The following DHX8 variants were observed in gnomAD, a reference collection of about 807,000 sequenced individuals.
DHX8 encodes the protein DEAH-box helicase 8, also known as ATP-dependent RNA helicase DHX8.
A neutral mutation model predicts 140.7 loss-of-function variants in DHX8; 67 were observed. That is an observed-to-expected ratio of 0.48 (90% confidence interval 0.39 to 0.58). The LOEUF is 0.58. Ranked by LOEUF, DHX8 falls within the 20% of genes least tolerant of loss-of-function variation. DHX8 has a pLI of 0.00. For synonymous variants in DHX8, 533 were observed against 553.2 expected, an observed-to-expected ratio of 0.96 and a Z score of 0.51; for missense variants, 887 against 1,550.7, an observed-to-expected ratio of 0.57 and a Z score of 7.19.
At chr17:43,505,519 C>T (rs376809925) in intron 12 of DHX8, among the ~76,000 whole-genome samples, 3 of 151,968 alleles carry the variant, frequency 2.0e-5, no homozygotes, top group African/African-American at 7.2e-5. Flanking sequence ...CAGTGAACTG[C>T]AATCACACCA....
At chr17:43,528,909 T>C (rs1446303156), downstream of DHX8, among the ~76,000 whole-genome samples, 1 of 152,134 alleles carries the variant, frequency 6.6e-6, no homozygotes, top group African/African-American at 2.4e-5. Context: ...TCACAGTTCT[T>C]ACTCCTTTTT....
intron 18 of DHX8, 118 bp downstream of exon 18, chr17:43,517,440 C>T: frequency 8.2e-7 from 1 of 1,214,246 alleles, no homozygotes; most frequent in Non-Finnish European, 1.1e-6. Context: ...GAAAGCAGTC[C>T]CTTTGAGTGA....
At chr17:43,530,351 C>G, downstream of DHX8, 1 of 1,470,880 alleles carries the variant, frequency 6.8e-7, no homozygotes, top group East Asian at 2.5e-5. Flanking sequence ...AAAGTTCACC[C>G]AGAGGGAGTG....
At chr17:43,526,609 A>G (rs1168035908), downstream of DHX8, 2 of 1,535,542 alleles carry the variant, frequency 1.3e-6, no homozygotes, top group Admixed American at 3.9e-5. Flanking sequence ...TGAACAGTTC[A>G]GAGGGCAGAG....
intron 12 of DHX8, among the ~76,000 whole-genome samples, chr17:43,506,230 T>A (rs1235116554): frequency 6.6e-6 from 1 of 151,674 alleles, no homozygotes; most frequent in African/African-American, 2.4e-5. Context: ...GGTCTTGAAC[T>A]CCTGGACTCA....
intron 3 of DHX8, among the ~76,000 whole-genome samples, chr17:43,541,269 G>C (rs1014292759): frequency 6.6e-6 from 1 of 152,150 alleles, no homozygotes; most frequent in Non-Finnish European, 1.5e-5. Flanking sequence ...ACTGAGCCTC[G>C]CGTTCCTGGA....
At chr17:43,513,176 C>T (rs1458240536) in intron 16 of DHX8, among the ~76,000 whole-genome samples, 186 bp from the exon 17 acceptor site, 3 of 152,118 alleles carry the variant, frequency 2.0e-5, no homozygotes, top group Non-Finnish European at 4.4e-5. Context: ...TCCAACTTAA[C>T]CATTAAGCAG....
chr17:43,502,318 C>T (rs1409679929), intron 11 of DHX8, among the ~76,000 whole-genome samples: 3 of 151,988 alleles, frequency 2.0e-5, no homozygotes, highest in African/African-American at 7.2e-5. Context: ...TTTGGGAGGC[C>T]GAGGCAGGAG....
At position 43,507,035 on chromosome 17, in the gene DHX8, T is replaced by A. The variant is rs762202456; in HGVS notation, c.1761T>A (p.Ile587=). Residue 587 remains isoleucine, a synonymous_variant, in exon 13 of 23, where the codon ATT becomes ATA. Coordinates refer to ENST00000262415, the MANE Select transcript of DHX8 (RefSeq NM_004941.3). ...AVHDNQILIV[I]GETGSGKTTQ... ...ATGACAATCAGATCCTGATTGTCAT[T>A]GGTGAGACAGGATCTGGAAAGACAA... 1.9e-6 allele frequency: 3 copies of A among 1,611,284 alleles called. No individual in the cohort carries two copies. Among genetic ancestry groups the A allele is most frequent in the Non-Finnish European group, 2.5e-6 (3 of 1,179,050 alleles).
Position 43,504,788 on chromosome 17 carries a change from G to T in DHX8, c.1691G>T (p.Ser564Ile). 6.2e-7 allele frequency: 1 copy of T among 1,614,110 alleles called. No homozygotes were observed. The highest frequency in any genetic ancestry group is 8.5e-7 in the Non-Finnish European group (1 of 1,180,022). Residue 564 changes from serine (S) to isoleucine (I), a missense_variant, in exon 12 of 23, where the codon AGC becomes ATC. Transcript: ENST00000262415. ...ATGTCAATCCTTGAGCAGAGGGAGAGCCTGCCCATCTACAAACTGAAGGAG... is the reference window on the plus strand; with the variant it reads ...ATGTCAATCCTTGAGCAGAGGGAGATCCTGCCCATCTACAAACTGAAGGAG... Reference protein sequence around the residue: ...TQMSILEQRESLPIYKLKEQL... With the variant: ...TQMSILEQREILPIYKLKEQL...
At position 43,483,982 on chromosome 17, in the gene DHX8, CCGGAGTA is replaced by C; in HGVS notation, c.-55_-49del. 1 of 1,592,172 alleles carries C rather than the reference CCGGAGTA, an allele frequency of 6.3e-7. No individual in the cohort carries two copies. Among genetic ancestry groups the C allele is most frequent in the Admixed American group, 1.8e-5 (1 of 55,262 alleles). On this transcript the variant is annotated 5_prime_UTR_variant, in exon 1 of 23. Transcript: ENST00000262415. The stretch of plus-strand genomic sequence containing the variant: ...CCCGGAAGTGAAAGCTGGAACCCGG[CCGGAGTA>C]GCTCTGAGCGCCGGCTGTGAGGAAG...
At chr17:43,499,093 T>C in intron 10 of DHX8, 134 bp downstream of exon 10, 1 of 628,744 alleles carries the variant, frequency 1.6e-6, no homozygotes, top group South Asian at 2.1e-5. Flanking sequence ...CCAGGGTCTA[T>C]AATAGTTTTA....
In DHX8 at chr17:43,507,958, GAC is replaced by G; in HGVS notation, c.2261_2262del (p.Thr754ArgfsTer21). 1 of 1,614,172 alleles carries G rather than the reference GAC, an allele frequency of 6.2e-7. No individual in the cohort carries two copies. Among genetic ancestry groups the G allele is most frequent in the Non-Finnish European group, 8.5e-7 (1 of 1,180,022 alleles). On this transcript the variant is annotated frameshift_variant, in exon 15 of 23. Transcript: ENST00000262415. LOFTEE classifies it high-confidence loss of function. Reference sequence around the variant, plus strand: ...AAATACTGTACACAAAGGAACCTGAGACAGATTATCTGGATGCCAGCCTGATT... The same window carrying G: ...AAATACTGTACACAAAGGAACCTGAGAGATTATCTGGATGCCAGCCTGATT... Reference protein sequence around the residue: ...VEILYTKEPETDYLDASLITV... With the variant: ...VEILYTKEPEXDYLDASLITV...
At chr17:43,508,786 A>C (rs934492444) in intron 16 of DHX8, among the ~76,000 whole-genome samples, 32 of 151,654 alleles carry the variant, frequency 2.1e-4, no homozygotes, top group African/African-American at 7.8e-4. Flanking sequence ...CGCCTGGCTA[A>C]TTTTTTGTAT....
intron 16 of DHX8, among the ~76,000 whole-genome samples, chr17:43,509,308 C>T (rs751531197): frequency 2.6e-4 from 39 of 152,124 alleles, no homozygotes; most frequent in Admixed American, 1.2e-3. Context: ...GGCCTGGAGA[C>T]GAGCAAGTAG....
At position 43,524,161 on chromosome 17, in the gene DHX8, G is replaced by T; in HGVS notation, c.*314G>T. ...AGCTCCAGGATGGGAAGGTGGAGTGGGTGAGCATCTTGTGCAGGGACATGG... is the reference window on the plus strand; with the variant it reads ...AGCTCCAGGATGGGAAGGTGGAGTGTGTGAGCATCTTGTGCAGGGACATGG... On this transcript the variant is annotated 3_prime_UTR_variant, in exon 23 of 23. Coordinates refer to ENST00000262415, the MANE Select transcript of DHX8 (RefSeq NM_004941.3). The T allele has an allele frequency of 8.2e-7, 1 of 1,218,828 alleles. No homozygotes were observed. The highest frequency in any genetic ancestry group is 1.7e-5 in the South Asian group (1 of 58,710). The allele number at this position is 1,218,828 out of a possible 1,614,324, so 75.5% of individuals were successfully genotyped here. A position where few individuals can be genotyped will look rare whatever the true frequency, so the allele number is the denominator to read the frequency against.
chr17:43,530,046 C>G (rs1465402914), downstream of DHX8: 4 of 1,610,380 alleles, frequency 2.5e-6, no homozygotes, highest in Non-Finnish European at 3.4e-6. Context: ...AGACCCTCCC[C>G]CATGGCAGCG....
chr17:43,540,660 GCCA>G (rs922523612), intron 3 of DHX8, among the ~76,000 whole-genome samples: 5 of 152,078 alleles, frequency 3.3e-5, no homozygotes, highest in African/African-American at 1.2e-4. Flanking sequence ...TTTCACTTCA[GCCA>G]CCACAACCTT....
chr17:43,485,375 G>A (rs1199523099), intron 1 of DHX8, among the ~76,000 whole-genome samples: 2 of 152,192 alleles, frequency 1.3e-5, no homozygotes, highest in Non-Finnish European at 2.9e-5. Flanking sequence ...TTTCTCATCT[G>A]TGAAGTGGGA....
Sources: allele counts gnomAD v4.1 joint callset (sites outside exome capture counted in the v4.1 genomes callset), GRCh38; gene constraint gnomAD v4.1.1; transcripts MANE v1.5; gene names NCBI Gene and HGNC (gene_info 2026-07-23, HGNC 2026-07-21).